Variants in SLC38A9 observed in about 807,000 individuals in gnomAD.
SLC38A9 encodes neutral amino acid transporter 9.
Under a neutral mutation model 62.3 loss-of-function variants are expected in SLC38A9, and 48 were observed. That is an observed-to-expected ratio of 0.77 (90% CI 0.61 to 0.98). SLC38A9 has a LOEUF of 0.98. Ranked by LOEUF, SLC38A9 falls within the 50% of genes least tolerant of loss-of-function variation. The probability of loss-of-function intolerance (pLI) is 0.00; values close to 1 mark genes in which losing one functional copy is unlikely to be tolerated. For missense variants in SLC38A9, 541 were observed against 679.8 expected (o/e 0.80, Z 2.27); for synonymous variants, 204 against 227.7 (o/e 0.90, Z 0.94).
chr5:55,633,955 A>T, intron 13 of SLC38A9, 53 bp from the exon 14 acceptor site: 1 of 1,367,098 alleles, frequency 7.3e-7, no homozygotes, highest in Non-Finnish European at 1.0e-6. Context: ...CAGTACACAC[A>T]TTCATAAAAT....
chr5:55,653,893 G>C (rs779768425), intron 9 of SLC38A9, among the ~76,000 whole-genome samples: 1 of 152,100 alleles, frequency 6.6e-6, no homozygotes, highest in Non-Finnish European at 1.5e-5. Flanking sequence ...TCTTGACCTC[G>C]TGATCTGCCC....
At chr5:55,674,667 T>G (rs1561389453) in intron 3 of SLC38A9, among the ~76,000 whole-genome samples, 2 of 152,192 alleles carry the variant, frequency 1.3e-5, no homozygotes, top group Non-Finnish European at 2.9e-5. Flanking sequence ...AGGTATTCTG[T>G]TACAGCAGAA....
rs77007832 is a variant in SLC38A9 at position 55,658,604 on chromosome 5, G to A, written c.698-1830C>T. ...ACAAAGGTTAGGAAGAGGCAAGGAA[G>A]GATTCTTCCTTAGAGCCTTAGGAGG... is the stretch of plus-strand genomic sequence containing the variant. On this transcript the variant is annotated intron_variant, in intron 8 of 15. Transcript: ENST00000396865. 6.5e-3 allele frequency among the ~76,000 whole-genome samples: 996 copies of A among 152,282 alleles called. 13 individuals carry two copies. The highest frequency in any genetic ancestry group is 0.023 in the African/African-American group (965 of 41,554).
chr5:55,710,338 G>T (rs1439709651), intron 2 of SLC38A9, among the ~76,000 whole-genome samples: 2 of 151,618 alleles, frequency 1.3e-5, no homozygotes, highest in African/African-American at 2.4e-5. Flanking sequence ...AAGTAGCTGG[G>T]ATTACAGATG....
In SLC38A9 at chr5:55,694,481, G is replaced by C. The variant is rs552196544; in HGVS notation, c.113+3365C>G. On this transcript the variant is annotated intron_variant, in intron 3 of 15. Coordinates refer to ENST00000396865, the MANE Select transcript of SLC38A9 (RefSeq NM_173514.4). ...CACCAGGGTTCTTAATGGCACTAAG[G>C]ACAATTCTGTGTGTGTGTGTGTGGT... 3.9e-3 allele frequency among the ~76,000 whole-genome samples: 432 copies of C among 110,154 alleles called. 6 individuals carry two copies. The highest frequency in any genetic ancestry group is 9.7e-3 in the Middle Eastern group (2 of 206). 72.3% of individuals were successfully genotyped at this position (110,154 alleles called of 152,430 possible). A position where few individuals can be genotyped will look rare whatever the true frequency, so the allele number is the denominator to read the frequency against.
chr5:55,684,568 C>G (rs1293858731), intron 3 of SLC38A9, among the ~76,000 whole-genome samples: 2 of 152,152 alleles, frequency 1.3e-5, no homozygotes, highest in African/African-American at 4.8e-5. Flanking sequence ...CGTGAAGTCT[C>G]TCTTAGTGGG....
rs769081599 is a variant in SLC38A9 at position 55,669,282 on chromosome 5, C to T, written c.472G>A (p.Gly158Ser). Reference protein sequence around the residue: ...TTGMCVIILMGLLTLYCCYRV... With the variant: ...TTGMCVIILMSLLTLYCCYRV... Reference sequence around the variant, plus strand: ...TAGCAGCAATAAAGTGTTAAAAGGCCCATCAGTATGATGACACACATTCCA... The same window carrying T: ...TAGCAGCAATAAAGTGTTAAAAGGCTCATCAGTATGATGACACACATTCCA... Residue 158 changes from glycine (G) to serine (S), a missense_variant, in exon 7 of 16, where the codon GGC (glycine) becomes AGC (serine). Coordinates refer to ENST00000396865, the MANE Select transcript of SLC38A9 (RefSeq NM_173514.4). 3 of 1,613,182 alleles carry T rather than the reference C, an allele frequency of 1.9e-6. No homozygotes were observed. The South Asian group carries it at 3.3e-5, about 18-fold the overall frequency.
intron 7 of SLC38A9, among the ~76,000 whole-genome samples, chr5:55,665,570 AAAAG>A (rs1750333720): frequency 1.3e-5 from 2 of 151,834 alleles, no homozygotes; most frequent in Non-Finnish European, 2.9e-5. Context: ...GAAAAAAAAC[AAAAG>A]AAAGAAATCA....
chr5:55,656,962 G>A (rs1162363506), intron 8 of SLC38A9, among the ~76,000 whole-genome samples, 188 bp from the exon 9 acceptor site: 1 of 151,626 alleles, frequency 6.6e-6, no homozygotes, highest in Non-Finnish European at 1.5e-5. Context: ...CCAGATTCAC[G>A]CCATTCTCCT....
intron 3 of SLC38A9, among the ~76,000 whole-genome samples, 176 bp downstream of exon 3, chr5:55,697,670 A>AT (rs1756091162): frequency 8.1e-6 from 1 of 123,942 alleles, no homozygotes; most frequent in Non-Finnish European, 1.8e-5. Flanking sequence ...AAAAAAAAAA[A>AT]AAAAATATAA....
Position 55,652,707 on chromosome 5 carries a change from G to A in SLC38A9, c.774C>T (p.Ala258=), listed in dbSNP as rs568996655. ...NNSNPVICPS[A]GSGGHPDNSS... is the part of the protein sequence containing the mutation. Reference sequence around the variant, plus strand: ...TGTTGTCAGGATGGCCTCCACTCCCGGCACTTGGACAAATCACTGCAATAG... The same window carrying A: ...TGTTGTCAGGATGGCCTCCACTCCCAGCACTTGGACAAATCACTGCAATAG... The change falls in exon 10 of 16, where the codon GCC becomes GCT. Residue 258 remains alanine, a synonymous_variant. Transcript: ENST00000396865. 117 of 1,611,896 alleles carry A rather than the reference G, an allele frequency of 7.3e-5. No homozygotes were observed. The South Asian group carries it at 9.9e-4, about 14-fold the overall frequency.
intron 11 of SLC38A9, among the ~76,000 whole-genome samples, chr5:55,648,389 T>C (rs941980766): frequency 2.6e-5 from 4 of 152,186 alleles, no homozygotes; most frequent in African/African-American, 7.2e-5. Context: ...TTAAAGAACA[T>C]AGACATTTAC....
rs189943885 is a variant in SLC38A9 at position 55,666,521 on chromosome 5, A to G, written c.527-1658T>C. On this transcript the variant is annotated intron_variant, in intron 7 of 15. Transcript: ENST00000396865. ...CTAGTACATGGCAGAAAGCAGTCAT[A>G]AGCCTGAAAAGTTGGGGACATTAGA... 3.6e-3 allele frequency among the ~76,000 whole-genome samples: 543 copies of G among 152,318 alleles called. 1 individual carries two copies. The highest frequency in any genetic ancestry group is 0.012 in the African/African-American group (509 of 41,580).
At chr5:55,678,011 T>C (rs1243593208) in intron 3 of SLC38A9, among the ~76,000 whole-genome samples, 1 of 142,390 alleles carries the variant, frequency 7.0e-6, no homozygotes, top group Non-Finnish European at 1.5e-5. Context: ...GGTGGTAAAG[T>C]AGAGCTAGGA....
At chr5:55,652,377 A>AT in intron 10 of SLC38A9, 152 bp downstream of exon 10, 2 of 413,176 alleles carry the variant, frequency 4.8e-6, no homozygotes, top group Non-Finnish European at 4.1e-6. Flanking sequence ...AAAAAAAAAA[A>AT]GAAAGAAAGA....
intron 3 of SLC38A9, among the ~76,000 whole-genome samples, chr5:55,691,800 G>A (rs1327326719): frequency 6.6e-6 from 1 of 152,116 alleles, no homozygotes; most frequent in Admixed American, 6.5e-5. Flanking sequence ...TGGTGGGGGA[G>A]GGGTATGCAG....
At chr5:55,633,018 T>C (rs1164303722) in intron 14 of SLC38A9, among the ~76,000 whole-genome samples, 1 of 152,082 alleles carries the variant, frequency 6.6e-6, no homozygotes, top group Non-Finnish European at 1.5e-5. Flanking sequence ...CCTTTTTTTT[T>C]TTCTTTTGGA....
intron 9 of SLC38A9, among the ~76,000 whole-genome samples, chr5:55,653,083 C>T (rs922155025): frequency 6.6e-6 from 1 of 152,144 alleles, no homozygotes; most frequent in African/African-American, 2.4e-5. Flanking sequence ...TCTCTTGTTG[C>T]AGCCTCCCAA....
intron 2 of SLC38A9, among the ~76,000 whole-genome samples, chr5:55,711,175 C>T (rs1757984040): frequency 6.6e-6 from 1 of 151,578 alleles, no homozygotes. Flanking sequence ...CAGCTGTAAT[C>T]CTAGCTACTC....
Sources: gnomAD v4.1 joint callset for allele counts (sites outside exome capture counted in the v4.1 genomes callset) on GRCh38, gnomAD v4.1.1 for gene constraint, MANE v1.5 for transcripts, NCBI Gene and HGNC (gene_info 2026-07-23, HGNC 2026-07-21) for gene names.